Variants in PRKG1 observed in about 807,000 individuals in gnomAD.
The protein encoded by PRKG1 is protein kinase cGMP-dependent 1.
PRKG1 carries 35 observed loss-of-function variants against 88.1 expected under a neutral mutation model. The ratio of observed to expected loss-of-function variants is 0.40; its 90% CI spans 0.30 to 0.53. PRKG1 has a LOEUF of 0.53. Ranked by LOEUF, PRKG1 falls within the 20% of genes least tolerant of loss-of-function variation. The pLI is 0.59. For synonymous variants in PRKG1, 303 were observed against 292.5 expected (o/e 1.04, Z -0.37); for missense variants, 540 against 839.8 (o/e 0.64, Z 4.41).
At chr10:51,259,360 G>A (rs774475190) in intron 2 of PRKG1, among the ~76,000 whole-genome samples, 15 of 152,110 alleles carry the variant, frequency 9.9e-5, no homozygotes, top group South Asian at 2.1e-4. Flanking sequence ...GATTATTCCC[G>A]TTTATTTTGT....
At chr10:52,038,509 G>T (rs1845674458) in intron 5 of PRKG1, among the ~76,000 whole-genome samples, 1 of 152,044 alleles carries the variant, frequency 6.6e-6, no homozygotes, top group South Asian at 2.1e-4. Flanking sequence ...ACGAGGTTGG[G>T]GTACTTGCCC....
chr10:51,601,792 A>G (rs557548323), intron 3 of PRKG1, among the ~76,000 whole-genome samples: 1 of 98,884 alleles, frequency 1.0e-5, no homozygotes, highest in Admixed American at 1.6e-4. Context: ...ATTTTGCCTG[A>G]AATGCAGAGG....
intron 7 of PRKG1, among the ~76,000 whole-genome samples, chr10:52,126,616 G>T (rs1416829085): frequency 1.3e-5 from 2 of 152,128 alleles, no homozygotes; most frequent in Non-Finnish European, 2.9e-5. Flanking sequence ...ATGTAGTTGG[G>T]ATTACAAGTG....
intron 5 of PRKG1, among the ~76,000 whole-genome samples, chr10:51,992,884 T>C (rs1844348585): frequency 6.6e-6 from 1 of 152,188 alleles, no homozygotes; most frequent in African/African-American, 2.4e-5. Flanking sequence ...ACAGTAGATA[T>C]CTAGAGTGAT....
intron 1 of PRKG1, among the ~76,000 whole-genome samples, chr10:50,996,790 T>C (rs774272723): frequency 4.6e-5 from 7 of 152,244 alleles, no homozygotes. Context: ...ATGGATTGAT[T>C]ACTGGCTGAT....
At chr10:52,146,623 C>G (rs957992372) in intron 8 of PRKG1, among the ~76,000 whole-genome samples, 8 of 152,140 alleles carry the variant, frequency 5.3e-5, no homozygotes, top group Admixed American at 3.9e-4. Flanking sequence ...ATAGCACATA[C>G]TTTACCACGT....
At chr10:51,518,266 G>A (rs1564531857) in intron 3 of PRKG1, among the ~76,000 whole-genome samples, 1 of 152,184 alleles carries the variant, frequency 6.6e-6, no homozygotes, top group Non-Finnish European at 1.5e-5. Flanking sequence ...CTAAAATGCT[G>A]GGATTACAGG....
chr10:51,121,023 A>G (rs1410907343), intron 1 of PRKG1, among the ~76,000 whole-genome samples: 1 of 152,118 alleles, frequency 6.6e-6, no homozygotes, highest in Non-Finnish European at 1.5e-5. Flanking sequence ...GAAACTTCCC[A>G]CATTCTCAGC....
chr10:51,278,343 G>A (rs1840189245), intron 2 of PRKG1, among the ~76,000 whole-genome samples: 1 of 152,144 alleles, frequency 6.6e-6, no homozygotes, highest in Non-Finnish European at 1.5e-5. Context: ...ATGTGTTGCT[G>A]GATTCAGTTT....
At chr10:51,899,574 C>T (rs1841932529) in intron 4 of PRKG1, among the ~76,000 whole-genome samples, 1 of 151,042 alleles carries the variant, frequency 6.6e-6, no homozygotes, top group Non-Finnish European at 1.5e-5. Flanking sequence ...AGGAGAATCT[C>T]TTGAACTTGG....
chr10:51,690,771 C>A (rs921535907), intron 3 of PRKG1, among the ~76,000 whole-genome samples: 14 of 151,442 alleles, frequency 9.2e-5, no homozygotes, highest in Non-Finnish European at 1.6e-4. Context: ...ACTAAAAATA[C>A]AAAAATTAGC....
In PRKG1 at chr10:51,907,528, T is replaced by A. The variant is rs1842112495; in HGVS notation, c.720T>A (p.Leu240=). ...TCAGCGTTCCAACATTCCAGAGCCTTCCTGAAGAGATCCTCAGCAAGCTTG... is the reference window on the plus strand; with the variant it reads ...TCAGCGTTCCAACATTCCAGAGCCTACCTGAAGAGATCCTCAGCAAGCTTG... ...FLKSVPTFQS[L]PEEILSKLAD... The change falls in exon 5 of 18, where the codon CTT becomes CTA. Residue 240 remains leucine, a synonymous_variant. Transcript: ENST00000373980. The A allele has an allele frequency of 7.4e-6, 12 of 1,613,786 alleles. No individual in the cohort carries two copies. In the East Asian group the frequency reaches 2.7e-4, roughly 36 times the overall value.
intron 3 of PRKG1, among the ~76,000 whole-genome samples, chr10:51,627,879 CCCTTCCCTTCCTTCCCTTCCTTCCCTT>C (rs1418373521): frequency 1.4e-5 from 1 of 72,004 alleles, no homozygotes; most frequent in African/African-American, 3.7e-5. Flanking sequence ...TCCTTCCCTT[CCCTTCCCTTCCTTCCCTTCCTTCCCTT>C]CCTTCCCTTC....
chr10:51,131,691 GTTGT>G (rs370027331), intron 1 of PRKG1, among the ~76,000 whole-genome samples: 2 of 152,296 alleles, frequency 1.3e-5, no homozygotes, highest in African/African-American at 2.4e-5. Context: ...GCAACATCAA[GTTGT>G]TTGTCTCCTA....
At chr10:51,222,707 T>C (rs116077131) in intron 2 of PRKG1, among the ~76,000 whole-genome samples, 4,951 of 152,196 alleles carry the variant, frequency 0.033, 274 homozygotes, top group African/African-American at 0.11. Context: ...GGGTAGTTTA[T>C]ATTTCTTTAT....
intron 3 of PRKG1, among the ~76,000 whole-genome samples, chr10:51,740,519 A>C (rs571048385): frequency 1.3e-5 from 2 of 152,160 alleles, no homozygotes; most frequent in Non-Finnish European, 1.5e-5. Flanking sequence ...AATCACTTTA[A>C]TATCTGGATT....
intron 3 of PRKG1, among the ~76,000 whole-genome samples, chr10:51,487,360 A>G (rs1467658978): frequency 6.6e-6 from 1 of 152,166 alleles, no homozygotes; most frequent in African/African-American, 2.4e-5. Context: ...TACTCTTGGT[A>G]TTTAACATTT....
intron 1 of PRKG1, among the ~76,000 whole-genome samples, chr10:51,140,660 T>TACTA (rs1226924186): frequency 3.3e-5 from 5 of 152,294 alleles, no homozygotes; most frequent in African/African-American, 1.2e-4. Context: ...CTCCTCCTTG[T>TACTA]ACTAGACTGT....
intron 3 of PRKG1, among the ~76,000 whole-genome samples, chr10:51,751,662 T>A (rs1360823485): frequency 6.6e-6 from 1 of 152,218 alleles, no homozygotes; most frequent in Non-Finnish European, 1.5e-5. Context: ...CATTCTGTAT[T>A]TTATTTGCTA....
Sources: gnomAD v4.1 joint callset for allele counts (sites outside exome capture counted in the v4.1 genomes callset) on GRCh38, gnomAD v4.1.1 for gene constraint, MANE v1.5 for transcripts, NCBI Gene and HGNC (gene_info 2026-07-23, HGNC 2026-07-21) for gene names.